The following COLEC12 variants were observed in gnomAD, a reference collection of about 807,000 sequenced individuals.
The protein encoded by COLEC12 is collectin-12.
COLEC12 carries 33 observed loss-of-function variants against 71.1 expected under a neutral mutation model. The ratio of observed to expected loss-of-function variants is 0.46; its 90% CI spans 0.35 to 0.62. COLEC12 has a LOEUF of 0.62. Ranked by LOEUF, COLEC12 falls within the 20% of genes least tolerant of loss-of-function variation. The pLI is 0.00. For missense variants in COLEC12, 765 were observed against 916.1 expected, an observed-to-expected ratio of 0.84 and a Z score of 2.13; for synonymous variants, 350 against 353.0, an observed-to-expected ratio of 0.99 and a Z score of 0.10.
intron 2 of COLEC12, among the ~76,000 whole-genome samples, chr18:383,532 T>C (rs979336071): frequency 4.6e-5 from 7 of 152,196 alleles, no homozygotes; most frequent in Middle Eastern, 3.2e-3. Context: ...TACGATTATA[T>C]TGGTTTTGTA....
intron 3 of COLEC12, among the ~76,000 whole-genome samples, chr18:352,706 G>A (rs1914550677): frequency 6.6e-6 from 1 of 152,180 alleles, no homozygotes; most frequent in African/African-American, 2.4e-5. Context: ...ATACCAGACT[G>A]GTGGAGATCC....
At chr18:321,253 C>T (rs1018715070) in intron 9 of COLEC12, among the ~76,000 whole-genome samples, 12 of 152,224 alleles carry the variant, frequency 7.9e-5, no homozygotes, top group African/African-American at 2.6e-4. Context: ...GGGGTTTCTC[C>T]GTGTTGGCCA....
chr18:344,123 A>AT (rs950833126), intron 5 of COLEC12, among the ~76,000 whole-genome samples: 13 of 151,488 alleles, frequency 8.6e-5, no homozygotes, highest in East Asian at 5.8e-4. Context: ...TTGTCTAAGA[A>AT]TTTTTTTTTA....
intron 1 of COLEC12, among the ~76,000 whole-genome samples, chr18:483,991 G>GATCA (rs1917474078): frequency 6.6e-6 from 1 of 152,066 alleles, no homozygotes; most frequent in African/African-American, 2.4e-5. Flanking sequence ...AGGCACTGTG[G>GATCA]GCCACAGAAA....
intron 2 of COLEC12, among the ~76,000 whole-genome samples, chr18:421,910 T>C (rs1057203213): frequency 3.9e-5 from 6 of 152,192 alleles, no homozygotes; most frequent in African/African-American, 1.4e-4. Context: ...TTCTCACCCA[T>C]CATATTAATC....
chr18:418,132 A>G (rs1916025802), intron 2 of COLEC12, among the ~76,000 whole-genome samples: 1 of 151,940 alleles, frequency 6.6e-6, no homozygotes, highest in Non-Finnish European at 1.5e-5. Flanking sequence ...GATTTGCTTA[A>G]CCTCTCTGTA....
At chr18:430,305 G>T (rs1916278084) in intron 2 of COLEC12, among the ~76,000 whole-genome samples, 1 of 151,524 alleles carries the variant, frequency 6.6e-6, no homozygotes, top group Non-Finnish European at 1.5e-5. Context: ...CTGTACTCCA[G>T]CCTGGGTGTC....
chr18:463,285 T>C (rs974672603), intron 2 of COLEC12, among the ~76,000 whole-genome samples: 14 of 152,222 alleles, frequency 9.2e-5, no homozygotes, highest in Non-Finnish European at 1.5e-4. Flanking sequence ...TTGTTTCATT[T>C]TCCCCCCAGT....
intron 2 of COLEC12, among the ~76,000 whole-genome samples, chr18:360,252 G>A (rs1009931430): frequency 2.0e-5 from 3 of 149,816 alleles, no homozygotes; most frequent in African/African-American, 7.4e-5. Context: ...GCACGATCTC[G>A]GCTCACTGCA....
At chr18:386,869 C>T (rs1295088017) in intron 2 of COLEC12, among the ~76,000 whole-genome samples, 1 of 151,958 alleles carries the variant, frequency 6.6e-6, no homozygotes, top group Non-Finnish European at 1.5e-5. Context: ...CTGTTCCCAC[C>T]AGCACCTTCT....
At chr18:330,155 T>G (rs1229211723) in intron 8 of COLEC12, among the ~76,000 whole-genome samples, 1 of 152,196 alleles carries the variant, frequency 6.6e-6, no homozygotes, top group Non-Finnish European at 1.5e-5. Context: ...CCTACTCACA[T>G]GGAGAATTTG....
chr18:468,060 G>A (rs1314966245), intron 2 of COLEC12, among the ~76,000 whole-genome samples: 4 of 152,000 alleles, frequency 2.6e-5, no homozygotes, highest in Non-Finnish European at 5.9e-5. Flanking sequence ...TCAGGAGTTC[G>A]AGACCAGCCT....
chr18:429,128 G>A (rs1410865684), intron 2 of COLEC12, among the ~76,000 whole-genome samples: 1 of 152,128 alleles, frequency 6.6e-6, no homozygotes, highest in Non-Finnish European at 1.5e-5. Context: ...AGATTATGAA[G>A]TCACAAAACC....
intron 3 of COLEC12, 110 bp downstream of exon 3, chr18:357,290 T>C (rs977347973): frequency 1.2e-5 from 12 of 1,031,448 alleles, no homozygotes; most frequent in Admixed American, 2.6e-5. Context: ...TTATTTTGCA[T>C]CTGAGTTGTA....
chr18:382,641 G>C (rs148501726), intron 2 of COLEC12, among the ~76,000 whole-genome samples: 66 of 152,260 alleles, frequency 4.3e-4, no homozygotes, highest in African/African-American at 1.6e-3. Flanking sequence ...TTAATGTGTA[G>C]TATGGGCATC....
intron 2 of COLEC12, among the ~76,000 whole-genome samples, chr18:426,885 A>G (rs1468791941): frequency 6.6e-6 from 1 of 151,944 alleles, no homozygotes; most frequent in Non-Finnish European, 1.5e-5. Flanking sequence ...AAGGGAAGGG[A>G]TCATTTTCTC....
intron 2 of COLEC12, among the ~76,000 whole-genome samples, chr18:390,499 T>C (rs1471081913): frequency 3.9e-5 from 6 of 152,238 alleles, no homozygotes; most frequent in Non-Finnish European, 8.8e-5. Context: ...CAGTGGTTCA[T>C]GCCTGTAATC....
At chr18:351,881 T>C (rs1034503126) in intron 3 of COLEC12, among the ~76,000 whole-genome samples, 1 of 152,216 alleles carries the variant, frequency 6.6e-6, no homozygotes, top group East Asian at 1.9e-4. Context: ...GGTTTCTCTA[T>C]GTTGGCCAGG....
At position 348,176 on chromosome 18, in the gene COLEC12, A is replaced by G; in HGVS notation, c.182-13T>C. 1 of 1,533,802 alleles carries G rather than the reference A, an allele frequency of 6.5e-7. No individual in the cohort carries two copies. The highest frequency in any genetic ancestry group is 9.0e-7 in the Non-Finnish European group (1 of 1,106,942). ...ATTTTCTCTACAACTAAGATTTGGA[A>G]AATGATGCATTAGTATACATATCTG... is the stretch of plus-strand genomic sequence containing the variant. On this transcript the variant is annotated splice_polypyrimidine_tract_variant and intron_variant, in intron 3 of 9. Coordinates refer to ENST00000400256, the MANE Select transcript of COLEC12 (RefSeq NM_130386.3).
Sources: gnomAD v4.1 joint callset for allele counts (sites outside exome capture counted in the v4.1 genomes callset) on GRCh38, gnomAD v4.1.1 for gene constraint, MANE v1.5 for transcripts, NCBI Gene and HGNC (gene_info 2026-07-23, HGNC 2026-07-21) for gene names.